Variants in IQCE observed in about 807,000 individuals in gnomAD.
The protein encoded by IQCE is IQ domain-containing protein E.
A neutral mutation model predicts 96.0 loss-of-function variants in IQCE; 115 were observed. The ratio of observed to expected loss-of-function variants is 1.20; its 90% CI spans 1.03 to 1.40. The LOEUF (loss-of-function observed/expected upper bound fraction) is 1.40, where lower values mean the gene tolerates loss of function less well. IQCE is among the 40% of genes most tolerant of loss of function. The pLI, the probability that IQCE is intolerant of heterozygous loss-of-function variation, is 0.00. For synonymous variants in IQCE, 412 were observed against 371.2 expected (o/e 1.11, Z -1.26); for missense variants, 1,041 against 909.1 (o/e 1.15, Z -1.87).
chr7:2,572,934 A>C (rs1221060677), intron 5 of IQCE: 1 of 337,856 alleles, frequency 3.0e-6, no homozygotes, highest in Non-Finnish European at 5.7e-6. Context: ...TACTCCAGGA[A>C]TTGATTACCT....
chr7:2,574,997 A>G (rs1017306316), intron 6 of IQCE, among the ~76,000 whole-genome samples: 1 of 152,162 alleles, frequency 6.6e-6, no homozygotes, highest in Non-Finnish European at 1.5e-5. Context: ...CGTGCCTGTC[A>G]TTGGTCACTG....
Position 2,571,672 on chromosome 7 carries a change from T to G in IQCE, c.259+18T>G. The G allele has an allele frequency of 6.3e-7, 1 of 1,593,996 alleles. No homozygotes were observed. Among genetic ancestry groups the G allele is most frequent in the Non-Finnish European group, 8.5e-7 (1 of 1,176,756 alleles). On this transcript the variant is annotated intron_variant, in intron 4 of 21. Transcript: ENST00000402050. The stretch of plus-strand genomic sequence containing the variant: ...AAAGCCAGGTATGTGGTTGTCGCAC[T>G]GGAGACCCTTCCTGCTTGAGAGAAG...
rs768848380 is a variant in IQCE at position 2,578,211 on chromosome 7, G to T, written c.466-31G>T. 9.8e-6 allele frequency: 15 copies of T among 1,526,716 alleles called. No homozygotes were observed. The East Asian group carries it at 3.2e-4, about 32-fold the overall frequency. 94.6% of individuals were successfully genotyped at this position (1,526,716 alleles called of 1,614,324 possible). ...TGCGGCGTGTGCGCAGCTTCGTGTG[G>T]ATGGCTGTGCATGGCCCTTGTTTTC... On this transcript the variant is annotated intron_variant, in intron 6 of 21. Transcript: ENST00000402050.
intron 17 of IQCE, among the ~76,000 whole-genome samples, chr7:2,600,991 A>G (rs866509357): frequency 6.6e-6 from 1 of 152,052 alleles, no homozygotes; most frequent in Admixed American, 6.5e-5. Flanking sequence ...CCCTGAACCA[A>G]AGTCCCCTTC....
intron 17 of IQCE, among the ~76,000 whole-genome samples, chr7:2,601,053 A>G (rs1784398154): frequency 6.6e-6 from 1 of 152,158 alleles, no homozygotes; most frequent in African/African-American, 2.4e-5. Context: ...GCTTATCCAG[A>G]GAGCACAGTG....
At chr7:2,591,147 G>A (rs1341633237) in intron 14 of IQCE, among the ~76,000 whole-genome samples, 2 of 151,976 alleles carry the variant, frequency 1.3e-5, no homozygotes, top group Non-Finnish European at 2.9e-5. Context: ...CGCCTATTTG[G>A]GAGGCTGAGG....
chr7:2,566,886 A>G (rs1366175554), intron 1 of IQCE, among the ~76,000 whole-genome samples: 1 of 152,218 alleles, frequency 6.6e-6, no homozygotes, highest in Non-Finnish European at 1.5e-5. Context: ...AGACATTTGC[A>G]CGCCTGCTGG....
At chr7:2,585,757 G>T (rs959619965) in intron 11 of IQCE, among the ~76,000 whole-genome samples, 10 of 152,204 alleles carry the variant, frequency 6.6e-5, no homozygotes, top group Non-Finnish European at 8.8e-5. Flanking sequence ...CACAAAACCT[G>T]CATGAGTATT....
chr7:2,605,902 C>T lies in IQCE; in HGVS notation c.1770C>T (p.Ser590=), dbSNP rs762029182. 5 of 1,607,050 alleles carry T rather than the reference C, an allele frequency of 3.1e-6. No individual in the cohort carries two copies. Among genetic ancestry groups the T allele is most frequent in the South Asian group, 2.2e-5 (2 of 89,826 alleles). The part of the protein sequence containing the change: ...DQSSPVPRVP[S]PIAQATGSPV... The stretch of plus-strand genomic sequence containing the variant: ...GCTCTCCTGTGCCCCGCGTTCCGAG[C>T]CCCATCGCCCAGGCCACGGGCAGCC... Residue 590 remains serine, a synonymous_variant, in exon 20 of 22, where the codon AGC becomes AGT. Coordinates refer to ENST00000402050, the MANE Select transcript of IQCE (RefSeq NM_152558.5).
chr7:2,598,149 G>GT (rs1292703563), intron 16 of IQCE: 2 of 274,874 alleles, frequency 7.3e-6, no homozygotes, highest in African/African-American at 4.4e-5. Context: ...ATGTGACTGA[G>GT]TGTAGTGAGT....
At chr7:2,590,750 G>A (rs1228806048) in intron 14 of IQCE, among the ~76,000 whole-genome samples, 1 of 152,196 alleles carries the variant, frequency 6.6e-6, no homozygotes, top group Non-Finnish European at 1.5e-5. Flanking sequence ...AGGCAACTGA[G>A]TGAGACCTCA....
chr7:2,572,667 C>A (rs946718584), intron 5 of IQCE: 11 of 476,686 alleles, frequency 2.3e-5, no homozygotes, highest in Admixed American at 2.1e-4. Context: ...AAGTCCAAGT[C>A]GCACCAAAGA....
intron 8 of IQCE, 123 bp downstream of exon 8, chr7:2,578,649 G>A (rs1041224734): frequency 1.2e-5 from 13 of 1,067,994 alleles, no homozygotes; most frequent in South Asian, 8.2e-5. Context: ...GGGAGGCTGC[G>A]GACCCCCAAA....
At chr7:2,572,822 G>A (rs1363310734) in intron 5 of IQCE, 9 of 442,888 alleles carry the variant, frequency 2.0e-5, no homozygotes, top group Non-Finnish European at 4.0e-5. Flanking sequence ...GGGATTACAG[G>A]CATGAGCCAC....
chr7:2,591,848 C>A (rs1206509946), intron 14 of IQCE, among the ~76,000 whole-genome samples: 1 of 152,144 alleles, frequency 6.6e-6, no homozygotes, highest in Non-Finnish European at 1.5e-5. Flanking sequence ...TCTGGAACTC[C>A]TGATCTCAAG....
intron 21 of IQCE, among the ~76,000 whole-genome samples, chr7:2,608,304 C>T (rs537601105): frequency 6.6e-6 from 1 of 152,338 alleles, no homozygotes; most frequent in South Asian, 2.1e-4. Context: ...GTTTTGAGGC[C>T]CGCATCAGAC....
intron 1 of IQCE, 91 bp from the exon 2 acceptor site, chr7:2,567,025 C>G (rs936798169): frequency 2.9e-6 from 3 of 1,027,892 alleles, no homozygotes. Context: ...GTTTCAGCAG[C>G]TGTGGACGGG....
At chr7:2,591,300 A>G (rs1183990253) in intron 14 of IQCE, among the ~76,000 whole-genome samples, 2 of 150,988 alleles carry the variant, frequency 1.3e-5, no homozygotes, top group Non-Finnish European at 2.9e-5. Context: ...AGTTGGTGTG[A>G]CCACAGGGCT....
chr7:2,582,535 G>A (rs371374590), intron 8 of IQCE, 45 bp from the exon 9 acceptor site: 2 of 1,556,978 alleles, frequency 1.3e-6, no homozygotes, highest in African/African-American at 1.4e-5. Context: ...CTTCTACTGA[G>A]GGAGAGAGGG....
Sources: allele counts gnomAD v4.1 joint callset (sites outside exome capture counted in the v4.1 genomes callset), GRCh38; gene constraint gnomAD v4.1.1; transcripts MANE v1.5; gene names NCBI Gene and HGNC (gene_info 2026-07-23, HGNC 2026-07-21).